Variants in PEX5L observed in about 807,000 individuals in gnomAD.
The protein encoded by PEX5L is PEX5-related protein.
In PEX5L, 30 loss-of-function variants were observed where a neutral mutation model predicts 84.0. That is an observed-to-expected ratio of 0.36 (90% CI 0.27 to 0.48). The LOEUF (loss-of-function observed/expected upper bound fraction) is 0.48. PEX5L is among the 20% of genes least tolerant of loss of function. PEX5L has a pLI of 0.99. For missense variants in PEX5L, 533 were observed against 754.6 expected, an observed-to-expected ratio of 0.71 and a Z score of 3.44; for synonymous variants, 270 against 283.1, an observed-to-expected ratio of 0.95 and a Z score of 0.46.
At chr3:179,904,231 C>T (rs1762367655) in intron 2 of PEX5L, among the ~76,000 whole-genome samples, 2 of 152,200 alleles carry the variant, frequency 1.3e-5, no homozygotes, top group Non-Finnish European at 1.5e-5. Flanking sequence ...TTTCTCCATG[C>T]AACAGGTGCA....
intron 2 of PEX5L, among the ~76,000 whole-genome samples, chr3:179,962,637 A>G (rs1292052870): frequency 6.6e-6 from 1 of 152,194 alleles, no homozygotes; most frequent in Non-Finnish European, 1.5e-5. Flanking sequence ...TTCCAGATCT[A>G]ATATTTACAG....
chr3:179,898,857 T>C (rs1283944153), intron 2 of PEX5L, among the ~76,000 whole-genome samples: 2 of 152,156 alleles, frequency 1.3e-5, no homozygotes, highest in Non-Finnish European at 2.9e-5. Context: ...TTCAATGTTT[T>C]TGAGACCAAA....
intron 1 of PEX5L, among the ~76,000 whole-genome samples, chr3:180,023,278 T>C (rs1367617441): frequency 6.6e-6 from 1 of 152,170 alleles, no homozygotes; most frequent in Non-Finnish European, 1.5e-5. Context: ...GATTAACTTT[T>C]ACGAACATCT....
Position 180,005,686 on chromosome 3 carries a change from G to A in PEX5L, c.21+30893C>T, listed in dbSNP as rs975467382. On this transcript the variant is annotated intron_variant, in intron 1 of 14. Transcript: ENST00000467460. ...GGAGCTTGCAGTGAGCAGAGATAGC[G>A]CCACTGCACTCCAGCCTGGGCGACA... Among the ~76,000 whole-genome samples the A allele has an allele frequency of 1.2e-4, 18 of 151,474 alleles. No individual in the cohort carries two copies. In the East Asian group the frequency reaches 1.9e-3, roughly 16 times the overall value.
intron 2 of PEX5L, among the ~76,000 whole-genome samples, chr3:179,953,108 G>A (rs59672007): frequency 0.012 from 868 of 74,060 alleles, 6 homozygotes; most frequent in African/African-American, 0.063. Flanking sequence ...AACTCAAGAT[G>A]GATTAAAGAC....
Position 179,799,266 on chromosome 3 carries a change from T to C in PEX5L, c.*2562A>G, listed in dbSNP as rs1206572923. The C allele has an allele frequency of 3.9e-5, 6 of 152,340 alleles. No individual in the cohort carries two copies. In the East Asian group the frequency reaches 7.7e-4, roughly 20 times the overall value. 9.4% of individuals were successfully genotyped at this position (152,340 alleles called of 1,614,324 possible). Reference sequence around the variant, plus strand: ...TTTTAACTTAATTTTATAAAAAATATTATTGAAAAATGCAACTCTTTTCCT... The same window carrying C: ...TTTTAACTTAATTTTATAAAAAATACTATTGAAAAATGCAACTCTTTTCCT... On this transcript the variant is annotated 3_prime_UTR_variant, in exon 15 of 15. Coordinates refer to ENST00000467460, the MANE Select transcript of PEX5L (RefSeq NM_016559.3).
chr3:179,872,261 T>A (rs1750664437), intron 7 of PEX5L, among the ~76,000 whole-genome samples: 1 of 152,202 alleles, frequency 6.6e-6, no homozygotes, highest in African/African-American at 2.4e-5. Flanking sequence ...TTGAGTGACT[T>A]GGTGTTTCAG....
intron 8 of PEX5L, among the ~76,000 whole-genome samples, chr3:179,840,568 G>C (rs1238534354): frequency 6.6e-6 from 1 of 152,222 alleles, no homozygotes; most frequent in East Asian, 1.9e-4. Flanking sequence ...TGGTGAGAGG[G>C]GACTCTAAGG....
At chr3:180,035,612 T>A (rs1452245877) in intron 1 of PEX5L, among the ~76,000 whole-genome samples, 1 of 152,174 alleles carries the variant, frequency 6.6e-6, no homozygotes, top group Non-Finnish European at 1.5e-5. Context: ...AACAACATAT[T>A]TATCTATTTC....
chr3:179,878,954 A>C (rs1462200915), intron 5 of PEX5L, among the ~76,000 whole-genome samples: 1 of 152,244 alleles, frequency 6.6e-6, no homozygotes, highest in African/African-American at 2.4e-5. Flanking sequence ...AGATACTCAG[A>C]GAAATGTTTG....
At position 179,796,694 on chromosome 3, in the gene PEX5L, C is replaced by G. The variant is rs947072193; in HGVS notation, c.*5134G>C. On this transcript the variant is annotated 3_prime_UTR_variant, in exon 15 of 15. Coordinates refer to ENST00000467460, the MANE Select transcript of PEX5L (RefSeq NM_016559.3). ...ATGGTCTCACTGAGCTTTGCTCTCT[C>G]CCTTTCTGGTCTCCTCATAAAATAG... 2 of 152,074 alleles carry G rather than the reference C, an allele frequency of 1.3e-5. No homozygotes were observed. Among genetic ancestry groups the G allele is most frequent in the African/African-American group, 4.8e-5 (2 of 41,400 alleles). The allele number at this position is 152,074 out of a possible 1,614,324, so 9.4% of individuals were successfully genotyped here.
intron 2 of PEX5L, among the ~76,000 whole-genome samples, chr3:179,962,229 T>C (rs1016198380): frequency 1.3e-5 from 2 of 152,180 alleles, no homozygotes; most frequent in East Asian, 1.9e-4. Flanking sequence ...TTGATTACTA[T>C]GCTTATCTTA....
At chr3:179,851,330 G>T (rs1741778010) in intron 8 of PEX5L, among the ~76,000 whole-genome samples, 1 of 152,124 alleles carries the variant, frequency 6.6e-6, no homozygotes. Flanking sequence ...CTGCTTTCTT[G>T]CTCTATCCTT....
intron 2 of PEX5L, among the ~76,000 whole-genome samples, chr3:179,961,201 A>ATGTGTGTGTGTGTGTG (rs72242969): frequency 3.1e-5 from 2 of 65,326 alleles, no homozygotes; most frequent in African/African-American, 7.2e-5. Context: ...GTGTATGTGT[A>ATGTGTGTGTGTGTGTG]TGTGTGTGTG....
intron 2 of PEX5L, among the ~76,000 whole-genome samples, chr3:179,938,936 G>T (rs537962570): frequency 6.6e-6 from 1 of 152,322 alleles, no homozygotes; most frequent in South Asian, 2.1e-4. Context: ...TAGAGGTTAA[G>T]TTCTGAGGCA....
chr3:179,955,818 C>G (rs9842713), intron 2 of PEX5L, among the ~76,000 whole-genome samples: 7,274 of 152,066 alleles, frequency 0.048, 597 homozygotes, highest in African/African-American at 0.17. Context: ...ACTCAAAAAA[C>G]CCAATGTAAT....
intron 2 of PEX5L, among the ~76,000 whole-genome samples, chr3:179,963,334 C>G (rs2110126992): frequency 6.6e-6 from 1 of 152,264 alleles, no homozygotes; most frequent in South Asian, 2.1e-4. Flanking sequence ...AAATAACTGC[C>G]CTACTCATTT....
intron 8 of PEX5L, among the ~76,000 whole-genome samples, chr3:179,839,283 T>C (rs1736145188): frequency 6.6e-6 from 1 of 152,234 alleles, no homozygotes; most frequent in Non-Finnish European, 1.5e-5. Flanking sequence ...CCTAGGCTTT[T>C]ATACTGTTTT....
chr3:180,021,546 T>C (rs1229211465), intron 1 of PEX5L, among the ~76,000 whole-genome samples: 2 of 152,214 alleles, frequency 1.3e-5, no homozygotes, highest in Non-Finnish European at 2.9e-5. Flanking sequence ...ATGCTTAACA[T>C]GAAAGGACTT....
Sources: gnomAD v4.1 joint callset for allele counts (sites outside exome capture counted in the v4.1 genomes callset) on GRCh38, gnomAD v4.1.1 for gene constraint, MANE v1.5 for transcripts, NCBI Gene and HGNC (gene_info 2026-07-23, HGNC 2026-07-21) for gene names.